MYO5C: variants seen among roughly 807,000 people sequenced by gnomAD.
MYO5C encodes unconventional myosin-Vc.
In MYO5C, 194 loss-of-function variants were observed where a neutral mutation model predicts 235.7. The ratio of observed to expected loss-of-function variants is 0.82; its 90% confidence interval spans 0.73 to 0.93. The LOEUF (loss-of-function observed/expected upper bound fraction) is 0.93, where lower values mean the gene tolerates loss of function less well. Among genes scored for constraint, MYO5C ranks in the 40% least tolerant of loss-of-function variants. MYO5C has a pLI of 0.00. For missense variants in MYO5C, 2,038 were observed against 2,127.2 expected, an observed-to-expected ratio of 0.96 and a Z score of 0.82; for synonymous variants, 707 against 754.8, an observed-to-expected ratio of 0.94 and a Z score of 1.04.
chr15:52,253,977 C>T lies in MYO5C; in HGVS notation c.1396-520G>A, dbSNP rs1189503287. The stretch of plus-strand genomic sequence containing the variant: ...GGAGGATGAAAGAAAGTTTGGCTGG[C>T]AGGTGGTGAGGTGGGGTAGGGTGGG... On this transcript the variant is annotated intron_variant, in intron 11 of 40. Transcript: ENST00000261839. 3.0e-5 allele frequency among the ~76,000 whole-genome samples: 3 copies of T among 99,642 alleles called. No individual in the cohort carries two copies. In the East Asian group the frequency reaches 9.6e-4, roughly 32 times the overall value. The allele number at this position is 99,642 out of a possible 152,430, so 65.4% of individuals were successfully genotyped here.
At chr15:52,274,387 C>T (rs2036992815) in intron 5 of MYO5C, among the ~76,000 whole-genome samples, 1 of 152,168 alleles carries the variant, frequency 6.6e-6, no homozygotes, top group African/African-American at 2.4e-5. Flanking sequence ...AAGCAATCTT[C>T]CTACCTCAGC....
chr15:52,283,030 T>C, intron 1 of MYO5C, 138 bp from the exon 2 acceptor site: 1 of 652,142 alleles, frequency 1.5e-6, no homozygotes, highest in Non-Finnish European at 2.8e-6. Flanking sequence ...ATTTTGCTTA[T>C]GAGGTGATCT....
intron 32 of MYO5C, among the ~76,000 whole-genome samples, chr15:52,216,724 A>T (rs1212659585): frequency 6.6e-6 from 1 of 152,160 alleles, no homozygotes; most frequent in East Asian, 1.9e-4. Context: ...TGTCCAACCC[A>T]AACTCCAGAA....
At chr15:52,295,282 T>C (rs1184891304) in intron 1 of MYO5C, among the ~76,000 whole-genome samples, 2 of 152,186 alleles carry the variant, frequency 1.3e-5, no homozygotes, top group Admixed American at 1.3e-4. Flanking sequence ...CACTGGGGAT[T>C]CTAGGCCCCG....
chr15:52,237,762 C>T (rs976030548), intron 21 of MYO5C, 116 bp from the exon 22 acceptor site: 1 of 893,254 alleles, frequency 1.1e-6, no homozygotes, highest in African/African-American at 1.7e-5. Context: ...TTATGCTGAT[C>T]ACACTTATCA....
intron 30 of MYO5C, 62 bp downstream of exon 30, chr15:52,221,100 A>T: frequency 7.6e-7 from 1 of 1,320,036 alleles, no homozygotes. Context: ...GGACATTTCA[A>T]TGTCATTTCC....
Position 52,246,053 on chromosome 15 carries a change from A to G in MYO5C, c.1980-11T>C. ...CTTTTGGAGTCAAATCTTTAAAAAG[A>G]CAATGATATTATGTGTTGAGGCATC... On this transcript the variant is annotated splice_polypyrimidine_tract_variant and intron_variant, in intron 16 of 40. Coordinates refer to ENST00000261839, the MANE Select transcript of MYO5C (RefSeq NM_018728.4). 1 of 1,611,872 alleles carries G rather than the reference A, an allele frequency of 6.2e-7. No homozygotes were observed. The highest frequency in any genetic ancestry group is 8.5e-7 in the Non-Finnish European group (1 of 1,178,234).
At chr15:52,241,679 T>G (rs144341412) in intron 20 of MYO5C, among the ~76,000 whole-genome samples, 2 of 152,276 alleles carry the variant, frequency 1.3e-5, no homozygotes, top group Admixed American at 6.5e-5. Flanking sequence ...TTTCCTTTGG[T>G]GTGGTCTCTT....
chr15:52,196,119 G>A (rs1349374980), intron 39 of MYO5C, among the ~76,000 whole-genome samples, 190 bp downstream of exon 39: 1 of 151,748 alleles, frequency 6.6e-6, no homozygotes, highest in East Asian at 1.9e-4. Context: ...CCATTTCTAT[G>A]TTTTTAAGAC....
At chr15:52,208,681 A>G (rs960145595) in intron 35 of MYO5C, 38 bp from the exon 36 acceptor site, 55 of 1,566,182 alleles carry the variant, frequency 3.5e-5, no homozygotes, top group Non-Finnish European at 4.7e-5. Context: ...GGTCTTGATG[A>G]TTACTTGTAC....
chr15:52,219,371 GAAACCGTCCTCTC>G (rs901801216), intron 31 of MYO5C, among the ~76,000 whole-genome samples: 6 of 152,126 alleles, frequency 3.9e-5, no homozygotes, highest in African/African-American at 1.4e-4. Context: ...TCTGCTAATA[GAAACCGTCCTCTC>G]TCACACACTC....
chr15:52,195,495 A>G lies in MYO5C; in HGVS notation c.4996-38T>C, dbSNP rs776299619. On this transcript the variant is annotated intron_variant, in intron 39 of 40. Transcript: ENST00000261839. ...CATAACATGGTGTTAGACCATGCAA[A>G]ATAATAACTCTGTTCATAAAATAAT... 12 of 1,360,436 alleles carry G rather than the reference A, an allele frequency of 8.8e-6. 1 individual carries two copies. Among genetic ancestry groups the G allele is most frequent in the South Asian group, 6.4e-5 (5 of 77,752 alleles). 84.3% of individuals were successfully genotyped at this position (1,360,436 alleles called of 1,614,324 possible). A position where few individuals can be genotyped will look rare whatever the true frequency, so the allele number is the denominator to read the frequency against.
At chr15:52,240,632 C>T (rs1020680658) in intron 20 of MYO5C, among the ~76,000 whole-genome samples, 5 of 151,770 alleles carry the variant, frequency 3.3e-5, no homozygotes, top group African/African-American at 1.2e-4. Context: ...CTCAGGAGGC[C>T]GAGATGGGAG....
intron 11 of MYO5C, among the ~76,000 whole-genome samples, chr15:52,255,157 C>T (rs1488613244): frequency 6.6e-6 from 1 of 152,126 alleles, no homozygotes; most frequent in Non-Finnish European, 1.5e-5. Flanking sequence ...CACATACATA[C>T]AATGTGTAAT....
At chr15:52,224,187 G>A (rs970380603) in intron 28 of MYO5C, among the ~76,000 whole-genome samples, 6 of 152,156 alleles carry the variant, frequency 3.9e-5, no homozygotes, top group African/African-American at 1.2e-4. Flanking sequence ...GGAGGCTGAG[G>A]CACGCAAATC....
chr15:52,206,030 C>G, intron 36 of MYO5C, 64 bp from the exon 37 acceptor site: 1 of 1,004,416 alleles, frequency 1.0e-6, no homozygotes, highest in Non-Finnish European at 1.4e-6. Flanking sequence ...TAATAATCAG[C>G]TACTATAACT....
rs1566967186 is a variant in MYO5C, at chr15:52,221,237, GTTT to G, written c.3643_3645del (p.Lys1215del). 6.2e-7 allele frequency: 1 copy of G among 1,611,268 alleles called. No homozygotes were observed. The highest frequency in any genetic ancestry group is 2.2e-5 in the East Asian group (1 of 44,832). The stretch of plus-strand genomic sequence containing the variant: ...TGTTTCTCCAATTCTGAAATTTGCT[GTTT>G]AAAGTCTGGGATCATCTTTAGAGAA... On this transcript the variant is annotated inframe_deletion, in exon 30 of 41. Coordinates refer to ENST00000261839, the MANE Select transcript of MYO5C (RefSeq NM_018728.4).
At chr15:52,213,908 G>A (rs550903645) in intron 33 of MYO5C, among the ~76,000 whole-genome samples, 2 of 152,344 alleles carry the variant, frequency 1.3e-5, no homozygotes, top group Non-Finnish European at 2.9e-5. Context: ...ATTACTGAAG[G>A]AAAGGGATCC....
intron 8 of MYO5C, among the ~76,000 whole-genome samples, chr15:52,267,461 G>A (rs1352257328): frequency 6.6e-6 from 1 of 152,094 alleles, no homozygotes; most frequent in Non-Finnish European, 1.5e-5. Flanking sequence ...AGAGGCGGGC[G>A]GATCACCTGA....
Sources: allele counts gnomAD v4.1 joint callset (sites outside exome capture counted in the v4.1 genomes callset), GRCh38; gene constraint gnomAD v4.1.1; transcripts MANE v1.5; gene names NCBI Gene and HGNC (gene_info 2026-07-23, HGNC 2026-07-21).